Variants in UBR1 observed in about 807,000 individuals in gnomAD.
UBR1 encodes the protein ubiquitin protein ligase E3 component n-recognin 1, also known as E3 ubiquitin-protein ligase UBR1.
UBR1 carries 102 observed loss-of-function variants against 242.1 expected under a neutral mutation model. The observed-to-expected ratio is 0.42, with a 90% CI of 0.36 to 0.50. UBR1 has a LOEUF of 0.50. Among genes scored for constraint, UBR1 ranks in the 20% least tolerant of loss-of-function variants. UBR1 has a pLI of 0.01. For missense variants in UBR1, 1,772 were observed against 2,101.8 expected (o/e 0.84, Z 3.07); for synonymous variants, 675 against 684.8 (o/e 0.99, Z 0.22).
intron 4 of UBR1, among the ~76,000 whole-genome samples, chr15:43,073,066 C>T (rs2033842526): frequency 6.6e-6 from 1 of 152,018 alleles, no homozygotes; most frequent in South Asian, 2.1e-4. Flanking sequence ...GAAGCTGAGA[C>T]ATGAGAACTG....
chr15:43,050,400 T>A lies in UBR1; in HGVS notation c.1440-1909A>T, dbSNP rs1214208987. ...GCATCTATAAGGAAAATAAATAAAT[T>A]TACAAAAAAGAAAAAATGAATAAGT... On this transcript the variant is annotated intron_variant, in intron 12 of 46. Coordinates refer to ENST00000290650, the MANE Select transcript of UBR1 (RefSeq NM_174916.3). Among the ~76,000 whole-genome samples the A allele has an allele frequency of 2.6e-5, 4 of 151,572 alleles. 1 individual carries two copies. Among genetic ancestry groups the A allele is most frequent in the African/African-American group, 9.7e-5 (4 of 41,240 alleles).
intron 19 of UBR1, among the ~76,000 whole-genome samples, chr15:43,034,810 G>A (rs947295129): frequency 2.0e-5 from 3 of 151,380 alleles, no homozygotes; most frequent in Non-Finnish European, 4.4e-5. Context: ...GCTTGAACCC[G>A]GGGTGGGCAG....
intron 3 of UBR1, among the ~76,000 whole-genome samples, chr15:43,078,356 A>G (rs939610129): frequency 2.6e-5 from 4 of 152,180 alleles, no homozygotes; most frequent in African/African-American, 9.6e-5. Flanking sequence ...GAGAGAAACA[A>G]GACGTGCCAA....
At chr15:43,069,504 T>G (rs1196047300) in intron 5 of UBR1, among the ~76,000 whole-genome samples, 1 of 152,194 alleles carries the variant, frequency 6.6e-6, no homozygotes, top group Non-Finnish European at 1.5e-5. Context: ...CTCGATCTCC[T>G]GACGTCGTGA....
At chr15:43,009,943 T>C (rs548848517) in intron 29 of UBR1, among the ~76,000 whole-genome samples, 84 of 152,370 alleles carry the variant, frequency 5.5e-4, no homozygotes, top group African/African-American at 1.9e-3. Context: ...CGATCTCGGC[T>C]CACTGCAATC....
intron 12 of UBR1, among the ~76,000 whole-genome samples, chr15:43,051,434 G>A (rs1018812516): frequency 6.6e-5 from 10 of 152,188 alleles, no homozygotes; most frequent in Non-Finnish European, 1.3e-4. Flanking sequence ...GATTGAGGTT[G>A]GGAGGAGGGA....
chr15:43,022,718 A>C lies in UBR1; in HGVS notation c.2823T>G (p.Phe941Leu), dbSNP rs149061186. ...CAAACATACTTGAAGCCTTATGATAAAAGTCAAATGTTACTTCTTCTTCAG... is the reference window on the plus strand; with the variant it reads ...CAAACATACTTGAAGCCTTATGATACAAGTCAAATGTTACTTCTTCTTCAG... ...KAPEEEVTFDFYHKASRLGSS... is the reference protein window; with the variant it reads ...KAPEEEVTFDLYHKASRLGSS... The change falls in exon 26 of 47, where the codon TTT becomes TTG. Residue 941 changes from phenylalanine (F) to leucine (L), a missense_variant. Coordinates refer to ENST00000290650, the MANE Select transcript of UBR1 (RefSeq NM_174916.3). 1 of 1,611,196 alleles carries C rather than the reference A, an allele frequency of 6.2e-7. No homozygotes were observed. Among genetic ancestry groups the C allele is most frequent in the African/African-American group, 1.3e-5 (1 of 74,878 alleles).
chr15:43,022,988 G>A (rs1264208379), intron 25 of UBR1, among the ~76,000 whole-genome samples, 187 bp from the exon 26 acceptor site: 1 of 151,984 alleles, frequency 6.6e-6, no homozygotes, highest in East Asian at 1.9e-4. Context: ...TCAGCCTCCT[G>A]AGTAGCTGGG....
At chr15:43,039,109 TA>T (rs2033382705) in intron 15 of UBR1, among the ~76,000 whole-genome samples, 1 of 151,986 alleles carries the variant, frequency 6.6e-6, no homozygotes. Context: ...TTATTTTTAT[TA>T]AAAAGGCATT....
Position 42,943,146 on chromosome 15 carries a change from C to T in UBR1, c.*2183G>A, listed in dbSNP as rs2031678742. On this transcript the variant is annotated 3_prime_UTR_variant, in exon 47 of 47. Transcript: ENST00000290650. ...ACCACTAAAAGGTGAACTCACAGCC[C>T]ATACACCAATATAATAAATTAATTA... 6.6e-6 allele frequency: 1 copy of T among 152,510 alleles called. No homozygotes were observed. Among genetic ancestry groups the T allele is most frequent in the Non-Finnish European group, 1.5e-5 (1 of 68,034 alleles). 9.4% of individuals were successfully genotyped at this position (152,510 alleles called of 1,614,324 possible).
intron 12 of UBR1, among the ~76,000 whole-genome samples, chr15:43,049,109 A>C (rs753840782): frequency 1.3e-5 from 2 of 152,230 alleles, no homozygotes; most frequent in Non-Finnish European, 2.9e-5. Context: ...GTAATTATTA[A>C]CAAGTATAAA....
intron 3 of UBR1, among the ~76,000 whole-genome samples, chr15:43,076,897 A>T (rs1424086689): frequency 8.8e-5 from 4 of 45,704 alleles, no homozygotes; most frequent in African/African-American, 1.6e-4. Context: ...TCCGGGAGGG[A>T]GGTGGGGGGG....
intron 14 of UBR1, among the ~76,000 whole-genome samples, chr15:43,045,497 G>A (rs2033473554): frequency 6.6e-6 from 1 of 151,868 alleles, no homozygotes; most frequent in African/African-American, 2.4e-5. Flanking sequence ...CACACACACA[G>A]ACACACACGT....
chr15:43,014,451 G>A (rs1343782496), intron 29 of UBR1, among the ~76,000 whole-genome samples: 3 of 150,762 alleles, frequency 2.0e-5, no homozygotes, highest in Admixed American at 6.6e-5. Flanking sequence ...GCCTCTTCCC[G>A]GCTGCCATCC....
chr15:42,988,333 T>C (rs1247655116), intron 35 of UBR1, among the ~76,000 whole-genome samples: 1 of 151,968 alleles, frequency 6.6e-6, no homozygotes, highest in Non-Finnish European at 1.5e-5. Flanking sequence ...CTCACTCTGT[T>C]GCCCAGGCTG....
intron 45 of UBR1, chr15:42,950,649 C>A: frequency 2.5e-6 from 1 of 402,028 alleles, no homozygotes; most frequent in Non-Finnish European, 4.6e-6. Flanking sequence ...ACTTCAGCCA[C>A]AGACACCTTG....
chr15:42,986,949 C>G (rs906635709), intron 35 of UBR1, among the ~76,000 whole-genome samples: 1 of 152,232 alleles, frequency 6.6e-6, no homozygotes, highest in Non-Finnish European at 1.5e-5. Flanking sequence ...TGTGCTTTGA[C>G]TCTGACAGGG....
chr15:43,070,402 A>G (rs2033810480), intron 5 of UBR1, among the ~76,000 whole-genome samples: 1 of 152,156 alleles, frequency 6.6e-6, no homozygotes. Flanking sequence ...ATGGAGATAC[A>G]CTGTTCCAAA....
intron 33 of UBR1, 148 bp downstream of exon 33, chr15:42,998,020 C>G (rs957850370): frequency 1.3e-5 from 9 of 694,654 alleles, no homozygotes; most frequent in Admixed American, 2.9e-5. Flanking sequence ...GCAATTTAAG[C>G]CACTTATTTT....
Sources: gnomAD v4.1 joint callset for allele counts (sites outside exome capture counted in the v4.1 genomes callset) on GRCh38, gnomAD v4.1.1 for gene constraint, MANE v1.5 for transcripts, NCBI Gene and HGNC (gene_info 2026-07-23, HGNC 2026-07-21) for gene names.